The following HDAC9 variants were observed in gnomAD, a reference collection of about 807,000 sequenced individuals.
HDAC9 encodes histone deacetylase 9.
HDAC9 carries 41 observed loss-of-function variants against 139.4 expected under a neutral mutation model. The observed-to-expected ratio is 0.29, with a 90% CI of 0.23 to 0.38. The LOEUF (loss-of-function observed/expected upper bound fraction) is 0.38, where lower values mean the gene tolerates loss of function less well. Among genes scored for constraint, HDAC9 ranks in the 10% least tolerant of loss-of-function variants. The pLI is 1.00. For synonymous variants in HDAC9, 517 were observed against 476.2 expected (o/e 1.09, Z -1.12); for missense variants, 1,147 against 1,297.0 (o/e 0.88, Z 1.78).
intron 12 of HDAC9, among the ~76,000 whole-genome samples, chr7:18,726,845 T>C (rs1785591782): frequency 1.3e-5 from 2 of 152,064 alleles, no homozygotes; most frequent in South Asian, 4.1e-4. Context: ...GAGAATATCT[T>C]TTCTTGGAGA....
intron 1 of HDAC9, among the ~76,000 whole-genome samples, chr7:18,160,122 C>T (rs1291563949): frequency 2.0e-5 from 3 of 152,152 alleles, no homozygotes; most frequent in African/African-American, 7.2e-5. Flanking sequence ...TGCAAATACA[C>T]AAGTATCAAT....
At chr7:18,984,272 A>G (rs1785148924) in intron 25 of HDAC9, among the ~76,000 whole-genome samples, 7 of 152,148 alleles carry the variant, frequency 4.6e-5, no homozygotes, top group Admixed American at 4.6e-4. Flanking sequence ...GCAAAAGTTC[A>G]GAGAGTATAT....
At chr7:18,928,880 G>C (rs1804472551) in intron 22 of HDAC9, among the ~76,000 whole-genome samples, 1 of 151,486 alleles carries the variant, frequency 6.6e-6, no homozygotes, top group African/African-American at 2.4e-5. Flanking sequence ...TCACAACATA[G>C]AGCCTGTTTA....
intron 25 of HDAC9, among the ~76,000 whole-genome samples, chr7:18,987,461 T>C (rs1268588459): frequency 4.6e-5 from 7 of 152,196 alleles, no homozygotes; most frequent in Non-Finnish European, 7.3e-5. Context: ...CTGCTGGATT[T>C]GGTTTGCCAG....
intron 1 of HDAC9, among the ~76,000 whole-genome samples, chr7:18,393,796 G>T (rs1312722364): frequency 6.6e-6 from 1 of 152,050 alleles, no homozygotes; most frequent in African/African-American, 2.4e-5. Context: ...AATCATTTTG[G>T]CCTTCCTTTT....
upstream of HDAC9, among the ~76,000 whole-genome samples, chr7:18,289,924 T>G (rs1297650352): frequency 6.6e-6 from 1 of 152,046 alleles, no homozygotes. Flanking sequence ...TTAGTAAGCT[T>G]CAGAGAAAGA....
chr7:18,308,895 G>A (rs1799106902), intron 1 of HDAC9, among the ~76,000 whole-genome samples: 1 of 152,172 alleles, frequency 6.6e-6, no homozygotes, highest in South Asian at 2.1e-4. Flanking sequence ...TCCACTTTAT[G>A]ATGCAGGCTT....
chr7:18,157,691 T>C (rs149127608), intron 1 of HDAC9, among the ~76,000 whole-genome samples: 30 of 152,188 alleles, frequency 2.0e-4, no homozygotes, highest in African/African-American at 5.8e-4. Context: ...TGGGTAACAG[T>C]GTGTCTTGTA....
At chr7:18,820,130 C>A (rs1794853713) in intron 17 of HDAC9, among the ~76,000 whole-genome samples, 1 of 151,974 alleles carries the variant, frequency 6.6e-6, no homozygotes, top group South Asian at 2.1e-4. Flanking sequence ...ATTTTTATTA[C>A]CATTAAATGA....
Position 18,709,541 on chromosome 7 carries a change from A to C in HDAC9, c.1732-18039A>C, listed in dbSNP as rs577811818. ...AAGTATTTTTTTAAGAACTAGATTAAAATTTAGAAACATATCTCAGAGTTT... is the reference window on the plus strand; with the variant it reads ...AAGTATTTTTTTAAGAACTAGATTACAATTTAGAAACATATCTCAGAGTTT... On this transcript the variant is annotated intron_variant, in intron 12 of 25. Coordinates refer to ENST00000686413, the MANE Select transcript of HDAC9 (RefSeq NM_178425.4). 2.1e-3 allele frequency among the ~76,000 whole-genome samples: 315 copies of C among 152,310 alleles called. 2 individuals are homozygous for C. Among genetic ancestry groups the C allele is most frequent in the African/African-American group, 7.3e-3 (305 of 41,552 alleles).
intron 2 of HDAC9, among the ~76,000 whole-genome samples, chr7:18,205,615 A>C (rs934267368): frequency 1.3e-5 from 2 of 152,080 alleles, no homozygotes; most frequent in Non-Finnish European, 2.9e-5. Context: ...TTATGATCTA[A>C]ATTGCTAATT....
chr7:18,331,360 A>C (rs1194325207), intron 1 of HDAC9, among the ~76,000 whole-genome samples: 1 of 151,692 alleles, frequency 6.6e-6, no homozygotes. Context: ...TTTTAATGAA[A>C]AGAAAAGATG....
At chr7:18,885,154 C>G (rs748997111) in intron 22 of HDAC9, among the ~76,000 whole-genome samples, 1 of 152,192 alleles carries the variant, frequency 6.6e-6, no homozygotes, top group Non-Finnish European at 1.5e-5. Flanking sequence ...GCAATGTGGT[C>G]GTAAGGGTGA....
At chr7:18,402,068 T>C (rs548741193) in intron 1 of HDAC9, among the ~76,000 whole-genome samples, 1 of 152,330 alleles carries the variant, frequency 6.6e-6, no homozygotes, top group Non-Finnish European at 1.5e-5. Flanking sequence ...TCAGTACCTT[T>C]TTGAGAAAGG....
At position 18,829,148 on chromosome 7, in the gene HDAC9, C is replaced by G; in HGVS notation, c.2323-13C>G. The G allele has an allele frequency of 6.2e-7, 1 of 1,605,860 alleles. No homozygotes were observed. Among genetic ancestry groups the G allele is most frequent in the South Asian group, 1.1e-5 (1 of 90,928 alleles). ...TTATATCTGACCATTGAAAACCTGT[C>G]TTGTTTTCACAGAATGGGTTTGCTG... On this transcript the variant is annotated splice_polypyrimidine_tract_variant and intron_variant, in intron 17 of 25. Coordinates refer to ENST00000686413, the MANE Select transcript of HDAC9 (RefSeq NM_178425.4).
At chr7:18,721,082 G>A (rs1378302279) in intron 12 of HDAC9, among the ~76,000 whole-genome samples, 1 of 151,936 alleles carries the variant, frequency 6.6e-6, no homozygotes, top group Non-Finnish European at 1.5e-5. Flanking sequence ...TATGTGGAAG[G>A]TTAGTTATTA....
At chr7:18,132,303 T>C (rs1379888202) in intron 1 of HDAC9, among the ~76,000 whole-genome samples, 1 of 152,192 alleles carries the variant, frequency 6.6e-6, no homozygotes, top group Non-Finnish European at 1.5e-5. Flanking sequence ...GTTTAGAAAC[T>C]CTCATAAGAT....
At chr7:18,089,965 G>C (rs1045707949) in intron 1 of HDAC9, among the ~76,000 whole-genome samples, 4 of 151,886 alleles carry the variant, frequency 2.6e-5, no homozygotes, top group African/African-American at 9.7e-5. Context: ...TGTTTAAGTT[G>C]GTGGGGGCTC....
intron 25 of HDAC9, among the ~76,000 whole-genome samples, chr7:18,989,641 C>T (rs1406530805): frequency 6.6e-6 from 1 of 151,192 alleles, no homozygotes; most frequent in Non-Finnish European, 1.5e-5. Flanking sequence ...TAATATCCTG[C>T]AGAGTGTTTT....
Sources: gnomAD v4.1 joint callset for allele counts (sites outside exome capture counted in the v4.1 genomes callset) on GRCh38, gnomAD v4.1.1 for gene constraint, MANE v1.5 for transcripts, NCBI Gene and HGNC (gene_info 2026-07-23, HGNC 2026-07-21) for gene names.